WASF2: variants seen among roughly 807,000 people sequenced by gnomAD.
WASF2 encodes actin-binding protein WASF2.
In WASF2, 14 loss-of-function variants were observed where a neutral mutation model predicts 45.0. That is an observed-to-expected ratio of 0.31 (90% CI 0.21 to 0.49). WASF2 has a LOEUF of 0.49. Ranked by LOEUF, WASF2 falls within the 20% of genes least tolerant of loss-of-function variation. The probability of loss-of-function intolerance (pLI) is 0.99; values close to 1 mark genes in which losing one functional copy is unlikely to be tolerated. For missense variants in WASF2, 439 were observed against 636.1 expected, an observed-to-expected ratio of 0.69 and a Z score of 3.33; for synonymous variants, 200 against 236.3, an observed-to-expected ratio of 0.85 and a Z score of 1.41.
rs566659194 is a variant in WASF2, at chr1:27,461,587, C to T, written c.-44+28399G>A. Among the ~76,000 whole-genome samples the T allele has an allele frequency of 7.0e-4, 106 of 151,972 alleles. No individual in the cohort carries two copies. The South Asian group carries it at 0.021, about 30-fold the overall frequency. Reference sequence around the variant, plus strand: ...ACTCCATTCTCCTGCCTCAGCCTCCCGAGCAGCTGGGACTACAGGCGCCCG... The same window carrying T: ...ACTCCATTCTCCTGCCTCAGCCTCCTGAGCAGCTGGGACTACAGGCGCCCG... On this transcript the variant is annotated intron_variant, in intron 1 of 8. Coordinates refer to ENST00000618852, the MANE Select transcript of WASF2 (RefSeq NM_006990.5).
At chr1:27,430,221 T>G (rs919681160) in intron 1 of WASF2, among the ~76,000 whole-genome samples, 4 of 152,220 alleles carry the variant, frequency 2.6e-5, no homozygotes, top group African/African-American at 4.8e-5. Context: ...CACAATGAAC[T>G]GATCCTCTTT....
rs191588372 is a variant in WASF2 at position 27,467,042 on chromosome 1, C to T, written c.-44+22944G>A. ...TCAGCCTGGGCAACATGGAGAAACCCCATCCCTATAAAAAATATAAAAATT... is the reference window on the plus strand; with the variant it reads ...TCAGCCTGGGCAACATGGAGAAACCTCATCCCTATAAAAAATATAAAAATT... On this transcript the variant is annotated intron_variant, in intron 1 of 8. Coordinates refer to ENST00000618852, the MANE Select transcript of WASF2 (RefSeq NM_006990.5). 1.5e-3 allele frequency among the ~76,000 whole-genome samples: 226 copies of T among 150,886 alleles called. 1 individual carries two copies. Among genetic ancestry groups the T allele is most frequent in the African/African-American group, 3.8e-3 (158 of 41,174 alleles).
At chr1:27,456,283 C>A (rs1275695031) in intron 1 of WASF2, among the ~76,000 whole-genome samples, 1 of 146,286 alleles carries the variant, frequency 6.8e-6, no homozygotes, top group East Asian at 2.1e-4. Flanking sequence ...GACTGCACCA[C>A]TGCACTCTAT....
rs756784011 is a variant in WASF2, at chr1:27,418,960, C to G, written c.259G>C (p.Glu87Gln). The G allele has an allele frequency of 6.2e-7, 1 of 1,613,580 alleles. No individual in the cohort carries two copies. Among genetic ancestry groups the G allele is most frequent in the East Asian group, 2.2e-5 (1 of 44,870 alleles). ...VKVTQLDPKE[E>Q]EVSLQGINTR... ...CTGAGCTCAGCTTTCTTACCTTCTT[C>G]TTCCTTGGGATCCAGCTGAGTGACT... is the stretch of plus-strand genomic sequence containing the variant. Residue 87 changes from glutamate (E) to glutamine (Q), a missense_variant, in exon 3 of 9, where the codon GAA (glutamate) becomes CAA (glutamine). By Grantham distance (29) the Glu-to-Gln change is conservative. Transcript: ENST00000618852.
At chr1:27,467,215 CA>C (rs59404190) in intron 1 of WASF2, among the ~76,000 whole-genome samples, 23,690 of 84,648 alleles carry the variant, frequency 0.28, 2,517 homozygotes, top group East Asian at 0.46. Context: ...GACCTTGTCT[CA>C]AAAAAAAAAA....
At chr1:27,427,419 T>A (rs2148111187) in intron 2 of WASF2, among the ~76,000 whole-genome samples, 1 of 152,322 alleles carries the variant, frequency 6.6e-6, no homozygotes, top group Middle Eastern at 3.4e-3. Context: ...CATTTGGCCT[T>A]CTCAGAGAGA....
intron 1 of WASF2, among the ~76,000 whole-genome samples, chr1:27,480,442 G>A (rs1026332591): frequency 2.0e-5 from 3 of 151,764 alleles, no homozygotes; most frequent in Non-Finnish European, 4.4e-5. Flanking sequence ...GCTTGGACCC[G>A]GGAGGCAGAG....
intron 1 of WASF2, among the ~76,000 whole-genome samples, chr1:27,458,742 G>A (rs1220953724): frequency 2.0e-5 from 3 of 151,702 alleles, no homozygotes; most frequent in South Asian, 4.2e-4. Context: ...GCAGTGAGCC[G>A]AGATCACGCC....
At chr1:27,445,902 C>T (rs180996556) in intron 1 of WASF2, among the ~76,000 whole-genome samples, 23 of 151,380 alleles carry the variant, frequency 1.5e-4, no homozygotes, top group African/African-American at 5.6e-4. Context: ...TAAAACACTC[C>T]TATGGGTAAT....
At position 27,416,215 on chromosome 1, in the gene WASF2, C is replaced by G. The variant is rs537006863; in HGVS notation, c.420-113G>C. On this transcript the variant is annotated intron_variant, in intron 4 of 8. Coordinates refer to ENST00000618852, the MANE Select transcript of WASF2 (RefSeq NM_006990.5). The stretch of plus-strand genomic sequence containing the variant: ...TTTTTACACCAAGGAATCAAGAAGT[C>G]ATTTGAATCGATTGCATACCTCCTC... 4.8e-4 allele frequency: 421 copies of G among 874,032 alleles called. 9 individuals carry two copies. In the Admixed American group the frequency reaches 7.5e-3, roughly 16 times the overall value. The allele number at this position is 874,032 out of a possible 1,614,324, so 54.1% of individuals were successfully genotyped here. A position where few individuals can be genotyped will look rare whatever the true frequency, so the allele number is the denominator to read the frequency against.
intron 1 of WASF2, among the ~76,000 whole-genome samples, chr1:27,461,549 G>A (rs1026229298): frequency 2.7e-5 from 4 of 149,216 alleles, no homozygotes; most frequent in Admixed American, 2.0e-4. Flanking sequence ...TGCAAGCTCC[G>A]CCTCCCGGGC....
intron 1 of WASF2, among the ~76,000 whole-genome samples, chr1:27,477,094 T>C (rs1363662263): frequency 1.3e-5 from 2 of 152,168 alleles, no homozygotes; most frequent in Non-Finnish European, 2.9e-5. Flanking sequence ...TATCCTATCC[T>C]TGTACAAACC....
intron 1 of WASF2, among the ~76,000 whole-genome samples, chr1:27,443,307 TAAAAAAA>T (rs77018071): frequency 3.8e-5 from 2 of 53,328 alleles, no homozygotes; most frequent in Non-Finnish European, 7.6e-5. Context: ...CACCGTCTCT[TAAAAAAA>T]AAAAAAAAAA....
intron 1 of WASF2, among the ~76,000 whole-genome samples, chr1:27,457,705 C>T (rs1009584780): frequency 6.6e-6 from 1 of 151,494 alleles, no homozygotes; most frequent in Non-Finnish European, 1.5e-5. Flanking sequence ...ACTGCAGCCT[C>T]AAACTCCTGG....
At chr1:27,416,713 C>A (rs77143967) in intron 4 of WASF2, among the ~76,000 whole-genome samples, 3,190 of 152,270 alleles carry the variant, frequency 0.021, 105 homozygotes, top group African/African-American at 0.072. Context: ...CAAGAGGGCT[C>A]CAGTGAGAAA....
intron 1 of WASF2, among the ~76,000 whole-genome samples, chr1:27,449,154 C>T (rs1227553217): frequency 6.6e-6 from 1 of 152,156 alleles, no homozygotes; most frequent in Non-Finnish European, 1.5e-5. Context: ...ATCCATAACA[C>T]GTTGTCCATG....
intron 1 of WASF2, among the ~76,000 whole-genome samples, chr1:27,439,227 G>T (rs1400076129): frequency 6.6e-6 from 1 of 152,188 alleles, no homozygotes; most frequent in Admixed American, 6.5e-5. Flanking sequence ...CTGTAAAGTT[G>T]TTGTGAAGAA....
At chr1:27,474,613 T>A (rs562509514) in intron 1 of WASF2, among the ~76,000 whole-genome samples, 1 of 151,000 alleles carries the variant, frequency 6.6e-6, no homozygotes, top group Non-Finnish European at 1.5e-5. Flanking sequence ...CTACTAAAAA[T>A]ACAAAAATTA....
chr1:27,417,972 G>C (rs2016848821), intron 4 of WASF2, among the ~76,000 whole-genome samples: 1 of 152,088 alleles, frequency 6.6e-6, no homozygotes, highest in East Asian at 1.9e-4. Context: ...TAAATTCCTT[G>C]GATGGAATCC....
Sources: allele counts gnomAD v4.1 joint callset (sites outside exome capture counted in the v4.1 genomes callset), GRCh38; gene constraint gnomAD v4.1.1; transcripts MANE v1.5; gene names NCBI Gene and HGNC (gene_info 2026-07-23, HGNC 2026-07-21).